Variants in RAB11FIP4 observed in about 807,000 individuals in gnomAD.
The protein encoded by RAB11FIP4 is rab11 family-interacting protein 4.
Under a neutral mutation model 74.3 loss-of-function variants are expected in RAB11FIP4, and 23 were observed. The observed-to-expected ratio is 0.31, with a 90% CI of 0.22 to 0.44. The LOEUF (loss-of-function observed/expected upper bound fraction) is 0.44, where lower values mean the gene tolerates loss of function less well. Ranked by LOEUF, RAB11FIP4 falls within the 20% of genes least tolerant of loss-of-function variation. The pLI, the probability that RAB11FIP4 is intolerant of heterozygous loss-of-function variation, is 1.00. For missense variants in RAB11FIP4, 630 were observed against 863.9 expected (o/e 0.73, Z 3.39); for synonymous variants, 360 against 359.9 (o/e 1.00, Z 0.00).
intron 3 of RAB11FIP4, among the ~76,000 whole-genome samples, chr17:31,475,235 G>A (rs2071780003): frequency 1.3e-5 from 2 of 152,058 alleles, no homozygotes; most frequent in Admixed American, 1.3e-4. Flanking sequence ...CATGGTCACT[G>A]GCTGTGAGTG....
At position 31,523,993 on chromosome 17, in the gene RAB11FIP4, A is replaced by G; in HGVS notation, c.1130A>G (p.His377Arg). The stretch of plus-strand genomic sequence containing the variant: ...AAGCAAGAGAACACACAGCTGGTGC[A>G]CAGGTCAAGCAGGCAGCGGCGCTGG... ...KLKQENTQLVHRVHELEEMVK... is the reference protein window; with the variant it reads ...KLKQENTQLVRRVHELEEMVK... The change falls in exon 9 of 15, where the codon CAC becomes CGC. Residue 377 changes from histidine to arginine, a missense_variant. His to Arg is a conservative substitution (Grantham distance 29). Transcript: ENST00000621161. The G allele has an allele frequency of 6.2e-7, 1 of 1,609,606 alleles. No individual in the cohort carries two copies. Among genetic ancestry groups the G allele is most frequent in the Non-Finnish European group, 8.5e-7 (1 of 1,177,940 alleles).
At chr17:31,426,770 T>TC (rs943390305) in intron 1 of RAB11FIP4, among the ~76,000 whole-genome samples, 36 of 151,838 alleles carry the variant, frequency 2.4e-4, no homozygotes, top group Middle Eastern at 3.4e-3. Flanking sequence ...AGCTACTTTT[T>TC]CTTGTATTTT....
intron 3 of RAB11FIP4, among the ~76,000 whole-genome samples, chr17:31,497,244 A>T (rs1015014100): frequency 1.3e-5 from 2 of 152,084 alleles, no homozygotes; most frequent in Admixed American, 1.3e-4. Flanking sequence ...GGCGCCTGTA[A>T]TCCCAGCTAC....
At chr17:31,519,118 C>T (rs1037808098) in intron 4 of RAB11FIP4, among the ~76,000 whole-genome samples, 1 of 148,136 alleles carries the variant, frequency 6.8e-6, no homozygotes, top group Non-Finnish European at 1.5e-5. Flanking sequence ...GGGTTCATGC[C>T]ATTCTCCTGC....
rs1388780951 is a variant in RAB11FIP4 at position 31,528,850 on chromosome 17, T to C, written c.1653+72T>C. ...CACCACGTGGGTTTCCTGTGCAGGA[T>C]CTGTGGTAGGGGAGCCCAGAGCTGT... is the stretch of plus-strand genomic sequence containing the variant. On this transcript the variant is annotated intron_variant, in intron 13 of 14. Transcript: ENST00000621161. The C allele has an allele frequency of 3.3e-6, 5 of 1,514,898 alleles. No individual in the cohort carries two copies. The Admixed American group carries it at 7.4e-5, about 22-fold the overall frequency. The allele number at this position is 1,514,898 out of a possible 1,614,324, so 93.8% of individuals were successfully genotyped here. A position where few individuals can be genotyped will look rare whatever the true frequency, so the allele number is the denominator to read the frequency against.
intron 3 of RAB11FIP4, among the ~76,000 whole-genome samples, chr17:31,458,795 G>A (rs1425587429): frequency 6.6e-6 from 1 of 152,236 alleles, no homozygotes; most frequent in Admixed American, 6.5e-5. Flanking sequence ...GTCACCCAGG[G>A]TGTGAAACAC....
chr17:31,503,743 G>T lies in RAB11FIP4; in HGVS notation c.337-13908G>T, dbSNP rs375716286. Among the ~76,000 whole-genome samples, 8 of 149,936 alleles carry T rather than the reference G, an allele frequency of 5.3e-5. No individual in the cohort carries two copies. The East Asian group carries it at 1.3e-3, about 25-fold the overall frequency. The stretch of plus-strand genomic sequence containing the variant: ...GTTCTGTTCTCATTTCATCCTTGAA[G>T]CTCATGTTGGTCTGTTCGGGCTCCA... On this transcript the variant is annotated intron_variant, in intron 3 of 14. Coordinates refer to ENST00000621161, the MANE Select transcript of RAB11FIP4 (RefSeq NM_032932.6).
chr17:31,510,704 C>A (rs2072436553), intron 3 of RAB11FIP4, among the ~76,000 whole-genome samples: 1 of 152,200 alleles, frequency 6.6e-6, no homozygotes, highest in East Asian at 1.9e-4. Flanking sequence ...AGGGCAGGCT[C>A]TGGAACCTGC....
At chr17:31,439,421 G>T (rs1453340264) in intron 3 of RAB11FIP4, among the ~76,000 whole-genome samples, 4 of 152,230 alleles carry the variant, frequency 2.6e-5, no homozygotes, top group Non-Finnish European at 4.4e-5. Context: ...CAGCCTGAGG[G>T]GAGGAAAGCC....
chr17:31,518,955 C>T (rs1157668895), intron 4 of RAB11FIP4, among the ~76,000 whole-genome samples: 1 of 151,628 alleles, frequency 6.6e-6, no homozygotes, highest in Non-Finnish European at 1.5e-5. Context: ...GCCTCAGCCT[C>T]CCGAGTAGCT....
chr17:31,422,193 A>T (rs941529387), intron 1 of RAB11FIP4, among the ~76,000 whole-genome samples: 1 of 152,176 alleles, frequency 6.6e-6, no homozygotes, highest in Non-Finnish European at 1.5e-5. Flanking sequence ...ACACAAAAAA[A>T]GTATTATAGT....
intron 1 of RAB11FIP4, chr17:31,392,386 CA>C (rs1313186683): frequency 6.0e-6 from 1 of 166,020 alleles, no homozygotes; most frequent in Non-Finnish European, 1.3e-5. Flanking sequence ...GACCAAGATG[CA>C]AGGGTCTGTG....
intron 11 of RAB11FIP4, 89 bp from the exon 12 acceptor site, chr17:31,528,317 G>A (rs12602681): frequency 0.15 from 224,246 of 1,458,388 alleles, 17,843 homozygotes; most frequent in South Asian, 0.21. Flanking sequence ...GCCTCGTGAA[G>A]ATGGCTGACC....
At chr17:31,409,785 C>G (rs1454953194) in intron 1 of RAB11FIP4, among the ~76,000 whole-genome samples, 1 of 152,174 alleles carries the variant, frequency 6.6e-6, no homozygotes, top group East Asian at 1.9e-4. Flanking sequence ...TGTTACTTAA[C>G]CGACTGGGTG....
chr17:31,531,363 C>T (rs1257105439), intron 14 of RAB11FIP4, among the ~76,000 whole-genome samples: 3 of 152,200 alleles, frequency 2.0e-5, no homozygotes, highest in Admixed American at 6.5e-5. Flanking sequence ...ACCTGGGCCC[C>T]CTCTACAAAC....
chr17:31,496,798 G>A (rs1227110417), intron 3 of RAB11FIP4, among the ~76,000 whole-genome samples: 2 of 152,180 alleles, frequency 1.3e-5, no homozygotes, highest in East Asian at 3.8e-4. Context: ...TGCCATTCCT[G>A]TGGCTGCAGG....
chr17:31,470,121 C>T (rs922518400), intron 3 of RAB11FIP4, among the ~76,000 whole-genome samples: 3 of 152,164 alleles, frequency 2.0e-5, no homozygotes, highest in South Asian at 2.1e-4. Context: ...CAGAGGAAGC[C>T]GAGGGCCTGA....
rs574025202 is a variant in RAB11FIP4 at position 31,480,813 on chromosome 17, A to G, written c.337-36838A>G. ...CGTCTCAAAAAAAAAAAAAAAAAAAAAAAGAAAGAAAATAGTCTCCCTGCC... is the reference window on the plus strand; with the variant it reads ...CGTCTCAAAAAAAAAAAAAAAAAAAGAAAGAAAGAAAATAGTCTCCCTGCC... On this transcript the variant is annotated intron_variant, in intron 3 of 14. Transcript: ENST00000621161. Among the ~76,000 whole-genome samples the G allele has an allele frequency of 8.7e-3, 1,308 of 150,722 alleles. 34 individuals carry two copies. Among genetic ancestry groups the G allele is most frequent in the African/African-American group, 0.03 (1,216 of 40,614 alleles).
intron 3 of RAB11FIP4, among the ~76,000 whole-genome samples, chr17:31,505,900 T>TG (rs1373514443): frequency 6.9e-6 from 1 of 145,302 alleles, no homozygotes; most frequent in Non-Finnish European, 1.5e-5. Context: ...TTTGTAGAGA[T>TG]GGAGTCTCAT....
Sources: allele counts gnomAD v4.1 joint callset (sites outside exome capture counted in the v4.1 genomes callset), GRCh38; gene constraint gnomAD v4.1.1; transcripts MANE v1.5; gene names NCBI Gene and HGNC (gene_info 2026-07-23, HGNC 2026-07-21).